Variants in PIKFYVE observed in about 807,000 individuals in gnomAD.
PIKFYVE encodes the protein 1-phosphatidylinositol 3-phosphate 5-kinase.
PIKFYVE carries 122 observed loss-of-function variants against 257.9 expected under a neutral mutation model. That is an observed-to-expected ratio of 0.47 (90% CI 0.41 to 0.55). PIKFYVE has a LOEUF of 0.55. Among genes scored for constraint, PIKFYVE ranks in the 20% least tolerant of loss-of-function variants. PIKFYVE has a pLI of 0.00. For missense variants in PIKFYVE, 2,160 were observed against 2,536.6 expected (o/e 0.85, Z 3.19); for synonymous variants, 892 against 868.9 (o/e 1.03, Z -0.47).
intron 27 of PIKFYVE, among the ~76,000 whole-genome samples, chr2:208,336,626 T>G (rs1698166346): frequency 1.3e-5 from 2 of 150,616 alleles, no homozygotes; most frequent in Non-Finnish European, 3.0e-5. Flanking sequence ...AATTTGCTAT[T>G]TTTTTTTTAC....
intron 5 of PIKFYVE, among the ~76,000 whole-genome samples, chr2:208,280,434 C>G (rs1336517561): frequency 6.6e-6 from 1 of 152,194 alleles, no homozygotes; most frequent in Non-Finnish European, 1.5e-5. Context: ...AGTCCCTACT[C>G]TGACAGGCAG....
At chr2:208,271,819 G>A in intron 2 of PIKFYVE, 128 bp downstream of exon 2, 1 of 888,786 alleles carries the variant, frequency 1.1e-6, no homozygotes, top group South Asian at 1.6e-5. Flanking sequence ...GGGTCTGTAA[G>A]AAAGTGAAAT....
intron 2 of PIKFYVE, among the ~76,000 whole-genome samples, chr2:208,273,317 G>A (rs1689671419): frequency 6.6e-6 from 1 of 152,084 alleles, no homozygotes; most frequent in African/African-American, 2.4e-5. Flanking sequence ...TAAAATCTAG[G>A]CTGGGCACAG....
intron 3 of PIKFYVE, among the ~76,000 whole-genome samples, chr2:208,276,076 G>A (rs1429826400): frequency 1.3e-5 from 2 of 152,150 alleles, no homozygotes; most frequent in Non-Finnish European, 2.9e-5. Flanking sequence ...TGACAGGGAA[G>A]GATAGGATTG....
intron 24 of PIKFYVE, chr2:208,334,303 A>G (rs1464517893): frequency 1.3e-5 from 2 of 152,466 alleles, no homozygotes; most frequent in African/African-American, 4.8e-5. Flanking sequence ...TTAAGGGGCA[A>G]TCAGCTAAGG....
At chr2:208,269,468 C>T (rs1689124106) in intron 1 of PIKFYVE, 1 of 253,822 alleles carries the variant, frequency 3.9e-6, no homozygotes, top group South Asian at 5.1e-5. Flanking sequence ...CTGAGCTCTG[C>T]TCCCGTGACT....
intron 32 of PIKFYVE, 76 bp downstream of exon 32, chr2:208,342,725 A>C: frequency 1.7e-6 from 2 of 1,197,952 alleles, no homozygotes; most frequent in Non-Finnish European, 1.2e-6. Flanking sequence ...TATTTTTGGA[A>C]TCTTTCACAT....
chr2:208,324,419 C>G, intron 18 of PIKFYVE, 137 bp downstream of exon 18: 4 of 873,026 alleles, frequency 4.6e-6, no homozygotes, highest in Non-Finnish European at 7.0e-6. Context: ...AGATATGGCA[C>G]CTATTTCATT....
intron 5 of PIKFYVE, among the ~76,000 whole-genome samples, chr2:208,278,668 C>G (rs1690423448): frequency 6.6e-6 from 1 of 152,106 alleles, no homozygotes; most frequent in Non-Finnish European, 1.5e-5. Context: ...ATTTGGTTTT[C>G]TGTTCTGTGT....
rs569165716 is a variant in PIKFYVE, at chr2:208,346,036, T to TC, written c.5112-13dup. The TC allele has an allele frequency of 4.4e-5, 70 of 1,599,712 alleles. 1 individual carries two copies. The African/African-American group carries it at 7.0e-4, about 16-fold the overall frequency. On this transcript the variant is annotated splice_polypyrimidine_tract_variant and intron_variant, in intron 33 of 41. Transcript: ENST00000264380. ...ATAAAACTAAATTTTTCTTTTTTTT[T>TC]CTTTTCATTTTAGTACTTCAGATAG...
At chr2:208,338,041 C>T (rs1466616724) in intron 28 of PIKFYVE, among the ~76,000 whole-genome samples, 3 of 150,560 alleles carry the variant, frequency 2.0e-5, no homozygotes, top group Non-Finnish European at 4.4e-5. Flanking sequence ...TTTTTTTTTT[C>T]GATTGCATAT....
intron 17 of PIKFYVE, among the ~76,000 whole-genome samples, chr2:208,321,792 C>T (rs1425386058): frequency 6.6e-6 from 1 of 151,992 alleles, no homozygotes; most frequent in Non-Finnish European, 1.5e-5. Flanking sequence ...GTTGGCCAGG[C>T]TGGTCTTGAG....
At chr2:208,305,351 CT>C in intron 12 of PIKFYVE, 2 of 1,155,082 alleles carry the variant, frequency 1.7e-6, no homozygotes, top group South Asian at 4.4e-5. Flanking sequence ...CTATTCTTTT[CT>C]CTTTCTTCAT....
intron 30 of PIKFYVE, among the ~76,000 whole-genome samples, 160 bp downstream of exon 30, chr2:208,339,715 A>G (rs1003344470): frequency 6.6e-6 from 1 of 152,238 alleles, no homozygotes; most frequent in Non-Finnish European, 1.5e-5. Flanking sequence ...TACTTAAATT[A>G]TAGTATAAAC....
At chr2:208,330,864 G>A (rs1317316158) in intron 23 of PIKFYVE, among the ~76,000 whole-genome samples, 170 bp downstream of exon 23, 2 of 150,652 alleles carry the variant, frequency 1.3e-5, no homozygotes, top group Non-Finnish European at 3.0e-5. Context: ...TCTAGTATTC[G>A]TTTTTTGAAG....
chr2:208,336,743 T>C, intron 27 of PIKFYVE, 95 bp from the exon 28 acceptor site: 1 of 766,112 alleles, frequency 1.3e-6, no homozygotes. Flanking sequence ...AGGAAAACTT[T>C]GTGATTTCAA....
intron 39 of PIKFYVE, 124 bp from the exon 40 acceptor site, chr2:208,353,774 A>T: frequency 8.8e-7 from 1 of 1,135,204 alleles, no homozygotes; most frequent in Non-Finnish European, 1.3e-6. Flanking sequence ...ATTTTCAGTT[A>T]AACTTTGGAG....
intron 9 of PIKFYVE, among the ~76,000 whole-genome samples, chr2:208,301,476 T>C (rs1693676669): frequency 6.6e-6 from 1 of 152,182 alleles, no homozygotes; most frequent in African/African-American, 2.4e-5. Context: ...GGTCCTAGCT[T>C]GCCTCACAAA....
intron 28 of PIKFYVE, among the ~76,000 whole-genome samples, chr2:208,337,748 G>A (rs377109388): frequency 6.6e-6 from 1 of 152,000 alleles, no homozygotes; most frequent in Non-Finnish European, 1.5e-5. Flanking sequence ...GAGAGATGGA[G>A]TCTCACTCTG....
Sources: allele counts gnomAD v4.1 joint callset (sites outside exome capture counted in the v4.1 genomes callset), GRCh38; gene constraint gnomAD v4.1.1; transcripts MANE v1.5; gene names NCBI Gene and HGNC (gene_info 2026-07-23, HGNC 2026-07-21).